Variants in ARHGAP25 observed in about 807,000 individuals in gnomAD.
The protein encoded by ARHGAP25 is rho GTPase-activating protein 25.
A neutral mutation model predicts 71.0 loss-of-function variants in ARHGAP25; 34 were observed. That is an observed-to-expected ratio of 0.48 (90% CI 0.36 to 0.64). ARHGAP25 has a LOEUF of 0.64. Among genes scored for constraint, ARHGAP25 ranks in the 30% least tolerant of loss-of-function variants. The probability of loss-of-function intolerance (pLI) is 0.00; values close to 1 mark genes in which losing one functional copy is unlikely to be tolerated. For synonymous variants in ARHGAP25, 282 were observed against 296.5 expected, an observed-to-expected ratio of 0.95 and a Z score of 0.50; for missense variants, 706 against 805.1, an observed-to-expected ratio of 0.88 and a Z score of 1.49.
chr2:68,725,963 A>G (rs1202969091), intron 2 of ARHGAP25, among the ~76,000 whole-genome samples: 1 of 151,874 alleles, frequency 6.6e-6, no homozygotes, highest in Non-Finnish European at 1.5e-5. Context: ...GTGAAATGTC[A>G]CCTTCGCTGT....
chr2:68,769,366 C>G (rs963837985), intron 1 of ARHGAP25, among the ~76,000 whole-genome samples: 15 of 152,268 alleles, frequency 9.9e-5, no homozygotes, highest in African/African-American at 3.6e-4. Context: ...TTACTAATCC[C>G]TATGGATTTA....
intron 1 of ARHGAP25, among the ~76,000 whole-genome samples, chr2:68,738,077 A>G (rs1040079897): frequency 6.6e-6 from 1 of 152,196 alleles, no homozygotes; most frequent in Non-Finnish European, 1.5e-5. Flanking sequence ...GGGTTGGAAG[A>G]AAAAGGAAAA....
At chr2:68,765,815 C>T (rs139335773) in intron 1 of ARHGAP25, among the ~76,000 whole-genome samples, 125 of 152,272 alleles carry the variant, frequency 8.2e-4, no homozygotes, top group Non-Finnish European at 1.4e-3. Flanking sequence ...CCACTGCTAG[C>T]ATTATTCATT....
intron 1 of ARHGAP25, among the ~76,000 whole-genome samples, chr2:68,757,103 T>G (rs1334604536): frequency 6.6e-6 from 1 of 151,810 alleles, no homozygotes; most frequent in East Asian, 1.9e-4. Flanking sequence ...GATAAGACAG[T>G]GAAAATTATC....
At chr2:68,720,751 A>T (rs1674743940) in intron 2 of ARHGAP25, among the ~76,000 whole-genome samples, 1 of 152,086 alleles carries the variant, frequency 6.6e-6, no homozygotes, top group African/African-American at 2.4e-5. Context: ...ACCCCTTACC[A>T]CAACACAACT....
intron 2 of ARHGAP25, among the ~76,000 whole-genome samples, chr2:68,722,122 A>C (rs1274628889): frequency 1.3e-5 from 2 of 152,236 alleles, no homozygotes; most frequent in African/African-American, 4.8e-5. Flanking sequence ...AGCTGGCTCA[A>C]GTTGGCCTTG....
chr2:68,712,264 A>G (rs962942902), intron 2 of ARHGAP25, among the ~76,000 whole-genome samples: 3 of 152,238 alleles, frequency 2.0e-5, no homozygotes, highest in Non-Finnish European at 2.9e-5. Flanking sequence ...TCTAATGGCC[A>G]GTGATGATGA....
intron 1 of ARHGAP25, among the ~76,000 whole-genome samples, chr2:68,746,333 AGG>A (rs778235505): frequency 3.9e-5 from 6 of 152,120 alleles, no homozygotes; most frequent in Non-Finnish European, 8.8e-5. Context: ...CCTGGACAAC[AGG>A]GGCCTCCATT....
At chr2:68,783,852 A>G (rs1490528133) in intron 3 of ARHGAP25, among the ~76,000 whole-genome samples, 1 of 152,106 alleles carries the variant, frequency 6.6e-6, no homozygotes, top group Admixed American at 6.5e-5. Flanking sequence ...TCTCCTCACT[A>G]GAAATATCTC....
rs113885256 is a variant in ARHGAP25 at position 68,758,888 on chromosome 2, G to A, written c.62-16333G>A. Among the ~76,000 whole-genome samples, 9 of 151,872 alleles carry A rather than the reference G, an allele frequency of 5.9e-5. 1 individual carries two copies. The highest frequency in any genetic ancestry group is 2.2e-4 in the African/African-American group (9 of 41,492). On this transcript the variant is annotated intron_variant, in intron 1 of 10. Coordinates refer to ENST00000409202, the MANE Select transcript of ARHGAP25 (RefSeq NM_001007231.3). ...AAGTCTCAATCGATTTTAAAAGGTA[G>A]GTATCGTACAAAGTATCTTCTCCAG...
intron 1 of ARHGAP25, among the ~76,000 whole-genome samples, chr2:68,758,922 G>A (rs999812134): frequency 6.6e-6 from 1 of 151,766 alleles, no homozygotes; most frequent in Non-Finnish European, 1.5e-5. Flanking sequence ...AGCCACAATG[G>A]GATAAAATTA....
intron 2 of ARHGAP25, among the ~76,000 whole-genome samples, chr2:68,715,496 G>T (rs1203376465): frequency 6.6e-6 from 1 of 152,184 alleles, no homozygotes; most frequent in Non-Finnish European, 1.5e-5. Flanking sequence ...AGTGCAATGG[G>T]AGGCTTGTTT....
chr2:68,729,668 C>G (rs948590771), intron 2 of ARHGAP25, among the ~76,000 whole-genome samples: 1 of 152,284 alleles, frequency 6.6e-6, no homozygotes, highest in South Asian at 2.1e-4. Flanking sequence ...GGGAACTGGG[C>G]CCTACATATA....
At chr2:68,816,679 A>G in intron 7 of ARHGAP25, 1 of 245,310 alleles carries the variant, frequency 4.1e-6, no homozygotes, top group South Asian at 5.5e-5. Context: ...TCTGAGCCGT[A>G]GCTTAGCTCC....
At position 68,793,456 on chromosome 2, in the gene ARHGAP25, G is replaced by A. The variant is rs552101785; in HGVS notation, c.466+5500G>A. ...TTAATCATCTTGATTTTTGTATATGGTGAGAGATAGGGCTCCAGTTTCATT... is the reference window on the plus strand; with the variant it reads ...TTAATCATCTTGATTTTTGTATATGATGAGAGATAGGGCTCCAGTTTCATT... On this transcript the variant is annotated intron_variant, in intron 4 of 10. Coordinates refer to ENST00000409202, the MANE Select transcript of ARHGAP25 (RefSeq NM_001007231.3). 7.2e-5 allele frequency among the ~76,000 whole-genome samples: 11 copies of A among 152,170 alleles called. No individual in the cohort carries two copies. The South Asian group carries it at 1.0e-3, about 14-fold the overall frequency.
intron 2 of ARHGAP25, among the ~76,000 whole-genome samples, chr2:68,722,564 C>T (rs949781698): frequency 5.0e-5 from 7 of 140,014 alleles, no homozygotes; most frequent in Admixed American, 1.5e-4. Context: ...GATGACAGAG[C>T]GAGACCCTGT....
chr2:68,819,522 G>A (rs1681482916), intron 9 of ARHGAP25: 4 of 706,024 alleles, frequency 5.7e-6, no homozygotes, highest in Non-Finnish European at 2.6e-6. Flanking sequence ...CTTTGAGGGG[G>A]GTGAGTGACA....
intron 4 of ARHGAP25, among the ~76,000 whole-genome samples, chr2:68,796,741 A>T (rs1374865823): frequency 6.6e-6 from 1 of 152,254 alleles, no homozygotes; most frequent in East Asian, 1.9e-4. Flanking sequence ...ATATGCTGGC[A>T]CCTGTACTGG....
At chr2:68,766,603 C>A (rs1298172219) in intron 1 of ARHGAP25, among the ~76,000 whole-genome samples, 1 of 152,172 alleles carries the variant, frequency 6.6e-6, no homozygotes, top group Non-Finnish European at 1.5e-5. Context: ...CTAGGTGAAA[C>A]AAATTTGCTG....
Sources: allele counts gnomAD v4.1 joint callset (sites outside exome capture counted in the v4.1 genomes callset), GRCh38; gene constraint gnomAD v4.1.1; transcripts MANE v1.5; gene names NCBI Gene and HGNC (gene_info 2026-07-23, HGNC 2026-07-21).